The following ZEB2 variants were observed in gnomAD, a reference collection of about 807,000 sequenced individuals.
The protein encoded by ZEB2 is zinc finger E-box binding homeobox 2.
Under a neutral mutation model 99.9 loss-of-function variants are expected in ZEB2, and 6 were observed. The observed-to-expected ratio is 0.06, with a 90% CI of 0.03 to 0.12. The LOEUF is 0.12. Among genes scored for constraint, ZEB2 ranks in the 10% least tolerant of loss-of-function variants. ZEB2 has a pLI of 1.00. For missense variants in ZEB2, 969 were observed against 1,502.8 expected (o/e 0.64, Z 5.87); for synonymous variants, 517 against 542.5 (o/e 0.95, Z 0.65).
intron 4 of ZEB2, among the ~76,000 whole-genome samples, chr2:144,410,175 C>T (rs1487750966): frequency 6.6e-6 from 1 of 152,108 alleles, no homozygotes; most frequent in East Asian, 1.9e-4. Context: ...TCCCAAAGTG[C>T]TGGGATTACA....
rs372123809 is a variant in ZEB2, at chr2:144,512,861, C to T, written c.73+4417G>A. ...GAGAAAAAAGGATGGAGATGGATAT[C>T]TTTGGAGCGCCCTCAGAACTGGTAC... On this transcript the variant is annotated intron_variant, in intron 2 of 9. Transcript: ENST00000627532. 4.1e-4 allele frequency: 524 copies of T among 1,287,230 alleles called. 8 individuals carry two copies. Among genetic ancestry groups the T allele is most frequent in the South Asian group, 3.8e-3 (307 of 80,934 alleles). The allele number at this position is 1,287,230 out of a possible 1,614,324, so 79.7% of individuals were successfully genotyped here.
intron 2 of ZEB2, chr2:144,482,208 T>C (rs1174740859): frequency 1.3e-5 from 2 of 152,220 alleles, no homozygotes; most frequent in African/African-American, 2.4e-5. Flanking sequence ...TCTTAAGGTT[T>C]CTTTTTATTT....
chr2:144,432,782 C>T (rs1334932197), intron 2 of ZEB2, among the ~76,000 whole-genome samples: 1 of 152,058 alleles, frequency 6.6e-6, no homozygotes, highest in Non-Finnish European at 1.5e-5. Flanking sequence ...GTTTGCCCAC[C>T]ATCATCACCA....
At chr2:144,403,823 G>A in intron 6 of ZEB2, 93 bp downstream of exon 6, 2 of 1,519,092 alleles carry the variant, frequency 1.3e-6, no homozygotes, top group Non-Finnish European at 1.8e-6. Context: ...TCTTCAAAAT[G>A]CCATGAAAAA....
intron 2 of ZEB2, among the ~76,000 whole-genome samples, chr2:144,505,625 G>C (rs1211418277): frequency 6.6e-6 from 1 of 152,168 alleles, no homozygotes; most frequent in Non-Finnish European, 1.5e-5. Context: ...GGAGTGGGGG[G>C]TGTGGTTGAG....
intron 4 of ZEB2, among the ~76,000 whole-genome samples, chr2:144,416,227 T>C (rs952725469): frequency 4.0e-4 from 61 of 152,216 alleles, no homozygotes; most frequent in Non-Finnish European, 7.9e-4. Flanking sequence ...CTGATTTTAT[T>C]TACCTCAGTT....
chr2:144,458,523 C>T (rs536334510), intron 2 of ZEB2, among the ~76,000 whole-genome samples: 5 of 152,050 alleles, frequency 3.3e-5, no homozygotes, highest in African/African-American at 9.6e-5. Flanking sequence ...TATTATGAAG[C>T]TTGGAATTTT....
intron 2 of ZEB2, among the ~76,000 whole-genome samples, chr2:144,506,765 A>C (rs1372139115): frequency 6.6e-6 from 1 of 152,176 alleles, no homozygotes; most frequent in African/African-American, 2.4e-5. Context: ...TCTATTACTG[A>C]TTATTTCATA....
At chr2:144,514,051 G>T in intron 2 of ZEB2, 1 of 637,324 alleles carries the variant, frequency 1.6e-6, no homozygotes, top group South Asian at 2.3e-5. Flanking sequence ...TTCCATGTGG[G>T]GGAAAGGAGA....
At chr2:144,402,344 C>T (rs1159109279) in intron 6 of ZEB2, among the ~76,000 whole-genome samples, 1 of 152,104 alleles carries the variant, frequency 6.6e-6, no homozygotes, top group African/African-American at 2.4e-5. Flanking sequence ...AATCTTCCCA[C>T]ATTCCTAGTG....
intron 2 of ZEB2, among the ~76,000 whole-genome samples, chr2:144,464,746 A>G (rs980874340): frequency 4.6e-5 from 7 of 152,168 alleles, no homozygotes; most frequent in Non-Finnish European, 8.8e-5. Context: ...TCAAATACAT[A>G]TTATGCATTA....
rs1459921249 is a variant in ZEB2, at chr2:144,386,690, A to G, written c.*2761T>C. ...GCAACAGAGACCTACATTGCTTTAA[A>G]AGAGGCCACAGGGATTTATTCTACC... On this transcript the variant is annotated 3_prime_UTR_variant, in exon 10 of 10. Transcript: ENST00000627532. 6.6e-6 allele frequency: 1 copy of G among 152,174 alleles called. No homozygotes were observed. Among genetic ancestry groups the G allele is most frequent in the African/African-American group, 2.4e-5 (1 of 41,452 alleles). 9.4% of individuals were successfully genotyped at this position (152,174 alleles called of 1,614,324 possible). A position where few individuals can be genotyped will look rare whatever the true frequency, so the allele number is the denominator to read the frequency against.
chr2:144,491,172 C>A (rs1288859186), intron 2 of ZEB2, among the ~76,000 whole-genome samples: 2 of 152,204 alleles, frequency 1.3e-5, no homozygotes, highest in Non-Finnish European at 2.9e-5. Context: ...CTGGGGTGGG[C>A]GCCATGTGGG....
intron 4 of ZEB2, among the ~76,000 whole-genome samples, chr2:144,415,257 T>G (rs948384061): frequency 6.6e-6 from 1 of 152,210 alleles, no homozygotes; most frequent in Non-Finnish European, 1.5e-5. Flanking sequence ...TAACTTTCCA[T>G]AGCACCTTGC....
At chr2:144,493,158 T>TAA (rs949031342) in intron 2 of ZEB2, among the ~76,000 whole-genome samples, 1 of 146,452 alleles carries the variant, frequency 6.8e-6, no homozygotes, top group Non-Finnish European at 1.5e-5. Context: ...CTCCAAAGAG[T>TAA]AAAAAAAAAA....
chr2:144,402,217 A>C (rs1371550215), intron 6 of ZEB2, among the ~76,000 whole-genome samples: 1 of 152,238 alleles, frequency 6.6e-6, no homozygotes, highest in East Asian at 1.9e-4. Flanking sequence ...AAAAAAATGC[A>C]GTCATCCACT....
intron 2 of ZEB2, chr2:144,464,381 T>C (rs1385360570): frequency 6.6e-6 from 1 of 152,196 alleles, no homozygotes; most frequent in Non-Finnish European, 1.5e-5. Context: ...TCTTTATATA[T>C]TTAAATCTAC....
chr2:144,429,582 C>T (rs1703739523), intron 3 of ZEB2, 187 bp downstream of exon 3: 3 of 891,148 alleles, frequency 3.4e-6, no homozygotes, highest in East Asian at 5.4e-5. Context: ...TAAGATGTAA[C>T]TGCCGCAATG....
intron 4 of ZEB2, among the ~76,000 whole-genome samples, chr2:144,419,798 T>A (rs1034417807): frequency 2.8e-4 from 43 of 152,254 alleles, no homozygotes; most frequent in Non-Finnish European, 5.6e-4. Context: ...TAAAAAAAAA[T>A]AAAAACTGGT....
Sources: allele counts gnomAD v4.1 joint callset (sites outside exome capture counted in the v4.1 genomes callset), GRCh38; gene constraint gnomAD v4.1.1; transcripts MANE v1.5; gene names NCBI Gene and HGNC (gene_info 2026-07-23, HGNC 2026-07-21).